PLAAT3: variants seen among roughly 807,000 people sequenced by gnomAD.
PLAAT3 encodes phospholipase A and acyltransferase 3, also known as Ca-independent phospholipase A1/2.
Under a neutral mutation model 16.7 loss-of-function variants are expected in PLAAT3, and 21 were observed. The observed-to-expected ratio is 1.26, with a 90% CI of 0.89 to 1.81. The LOEUF is 1.81. Ranked by LOEUF, PLAAT3 falls within the 40% of genes most tolerant of loss-of-function variation. PLAAT3 has a pLI of 0.00. For synonymous variants in PLAAT3, 76 were observed against 81.7 expected (o/e 0.93, Z 0.38); for missense variants, 219 against 213.7 (o/e 1.02, Z -0.16).
At chr11:63,615,058 A>ATATGTGTGTG (rs1243535303), upstream of PLAAT3, among the ~76,000 whole-genome samples, 3 of 42,194 alleles carry the variant, frequency 7.1e-5, 1 homozygote, top group Non-Finnish European at 1.8e-4. Context: ...ATATGTGTAT[A>ATATGTGTGTG]TATATGTGTG....
intron 4 of PLAAT3, among the ~76,000 whole-genome samples, chr11:63,583,306 A>G (rs1054846160): frequency 6.6e-6 from 1 of 152,188 alleles, no homozygotes; most frequent in Admixed American, 6.5e-5. Flanking sequence ...CCTGCATAAA[A>G]TCACTTGTAT....
chr11:63,591,459 T>C (rs542626499), intron 3 of PLAAT3, among the ~76,000 whole-genome samples: 38 of 151,952 alleles, frequency 2.5e-4, no homozygotes, highest in African/African-American at 8.4e-4. Flanking sequence ...TCAAAGGAGG[T>C]TCACTCTCAC....
At chr11:63,589,732 G>A (rs548941278) in intron 4 of PLAAT3, among the ~76,000 whole-genome samples, 23 of 152,300 alleles carry the variant, frequency 1.5e-4, no homozygotes, top group South Asian at 8.3e-4. Flanking sequence ...ATGAATGGCT[G>A]TAGACAAGTT....
chr11:63,609,592 G>A (rs1224565766), intron 2 of PLAAT3, among the ~76,000 whole-genome samples: 1 of 152,240 alleles, frequency 6.6e-6, no homozygotes, highest in Non-Finnish European at 1.5e-5. Flanking sequence ...CGCAGGCTGG[G>A]TGAGGACAGG....
At chr11:63,579,059 C>T (rs186752314) in intron 4 of PLAAT3, among the ~76,000 whole-genome samples, 1,787 of 152,222 alleles carry the variant, frequency 0.012, 40 homozygotes, top group East Asian at 0.087. Flanking sequence ...AAAAAGTGGG[C>T]GAAGGATATG....
intron 4 of PLAAT3, among the ~76,000 whole-genome samples, chr11:63,589,133 C>T (rs564184796): frequency 3.1e-4 from 47 of 152,000 alleles, no homozygotes; most frequent in Middle Eastern, 3.4e-3. Context: ...TATTATCATT[C>T]GTACTTTACC....
At chr11:63,585,689 G>T (rs1937953842) in intron 4 of PLAAT3, among the ~76,000 whole-genome samples, 1 of 152,134 alleles carries the variant, frequency 6.6e-6, no homozygotes, top group African/African-American at 2.4e-5. Flanking sequence ...TCTGTGATGG[G>T]ATCAAGTAGA....
chr11:63,605,386 G>A (rs745573828), intron 2 of PLAAT3, among the ~76,000 whole-genome samples: 3 of 151,944 alleles, frequency 2.0e-5, no homozygotes, highest in African/African-American at 7.3e-5. Flanking sequence ...CGACAAGAGC[G>A]AGACTGTCTC....
chr11:63,609,227 A>G (rs950938369), intron 2 of PLAAT3, among the ~76,000 whole-genome samples: 1 of 152,226 alleles, frequency 6.6e-6, no homozygotes, highest in Non-Finnish European at 1.5e-5. Context: ...CTGGGGGGAA[A>G]GCCTGTGATA....
intron 2 of PLAAT3, among the ~76,000 whole-genome samples, chr11:63,601,461 CCAAGCTCAACACATAATTACGCT>C (rs1938428330): frequency 6.6e-6 from 1 of 151,058 alleles, no homozygotes; most frequent in Admixed American, 6.6e-5. Flanking sequence ...ATACATATTC[CCAAGCTCAACACATAATTACGCT>C]CAAGCTCAAC....
upstream of PLAAT3, among the ~76,000 whole-genome samples, chr11:63,614,971 C>T (rs184226069): frequency 1.4e-5 from 2 of 145,200 alleles, no homozygotes; most frequent in African/African-American, 2.5e-5. Context: ...GCCAAGATCG[C>T]GCCACTGCAC....
intron 3 of PLAAT3, among the ~76,000 whole-genome samples, chr11:63,590,855 G>A (rs1383400441): frequency 2.0e-5 from 3 of 152,180 alleles, no homozygotes; most frequent in Admixed American, 1.3e-4. Context: ...AGCTGTGATG[G>A]ATGCTAAGGA....
In PLAAT3 at chr11:63,614,338, C is replaced by G. The variant is rs1938776982; in HGVS notation, c.-55+47G>C. Reference sequence around the variant, plus strand: ...GGAAGGGGAGAAGCATCCCAGGCACCTCGCCCGGCCTTATCGCACCCTTCC... The same window carrying G: ...GGAAGGGGAGAAGCATCCCAGGCACGTCGCCCGGCCTTATCGCACCCTTCC... On this transcript the variant is annotated intron_variant, in intron 1 of 4. Coordinates refer to ENST00000415826, the MANE Select transcript of PLAAT3 (RefSeq NM_001128203.2). The G allele has an allele frequency of 1.0e-5, 4 of 398,826 alleles. No homozygotes were observed. In the Admixed American group the frequency reaches 1.8e-4, roughly 18 times the overall value. The allele number at this position is 398,826 out of a possible 1,614,324, so 24.7% of individuals were successfully genotyped here. A position where few individuals can be genotyped will look rare whatever the true frequency, so the allele number is the denominator to read the frequency against.
chr11:63,591,774 C>T (rs1423209710), intron 3 of PLAAT3, among the ~76,000 whole-genome samples: 1 of 152,230 alleles, frequency 6.6e-6, no homozygotes, highest in Non-Finnish European at 1.5e-5. Context: ...AGAGAGGGTG[C>T]CTTATTGGAG....
intron 2 of PLAAT3, among the ~76,000 whole-genome samples, chr11:63,607,686 G>A (rs1238740166): frequency 3.3e-5 from 5 of 151,836 alleles, no homozygotes; most frequent in Middle Eastern, 3.4e-3. Context: ...CCTACACACC[G>A]TGCTGCAATC....
chr11:63,610,654 C>T (rs1365736071), intron 2 of PLAAT3, among the ~76,000 whole-genome samples: 5 of 152,182 alleles, frequency 3.3e-5, no homozygotes, highest in Non-Finnish European at 5.9e-5. Context: ...ACAGATCCAT[C>T]AGAAAATCAA....
intron 1 of PLAAT3, 135 bp from the exon 2 acceptor site, chr11:63,614,203 T>G: frequency 1.4e-6 from 1 of 706,252 alleles, no homozygotes; most frequent in Admixed American, 2.9e-5. Context: ...TCGCTCCCTT[T>G]AACAACTTTC....
chr11:63,598,530 A>G (rs1261674370), intron 2 of PLAAT3, among the ~76,000 whole-genome samples: 2 of 152,246 alleles, frequency 1.3e-5, no homozygotes, highest in African/African-American at 4.8e-5. Context: ...CAACCATCCA[A>G]TGATGAACCC....
intron 2 of PLAAT3, among the ~76,000 whole-genome samples, chr11:63,607,315 T>C (rs1938592342): frequency 6.6e-6 from 1 of 151,958 alleles, no homozygotes; most frequent in Non-Finnish European, 1.5e-5. Flanking sequence ...TCATCCGTGT[T>C]CCTTATGAGA....
Sources: gnomAD v4.1 joint callset for allele counts (sites outside exome capture counted in the v4.1 genomes callset) on GRCh38, gnomAD v4.1.1 for gene constraint, MANE v1.5 for transcripts, NCBI Gene and HGNC (gene_info 2026-07-23, HGNC 2026-07-21) for gene names.